Variants in ATP11A observed in about 807,000 individuals in gnomAD.
The protein encoded by ATP11A is ATPase phospholipid transporting 11A, also known as phospholipid-transporting ATPase IH.
Under a neutral mutation model 154.4 loss-of-function variants are expected in ATP11A, and 81 were observed. The observed-to-expected ratio is 0.52, with a 90% CI of 0.44 to 0.63. ATP11A has a LOEUF of 0.63. Among genes scored for constraint, ATP11A ranks in the 30% least tolerant of loss-of-function variants. The pLI is 0.00. For missense variants in ATP11A, 1,316 were observed against 1,474.3 expected (o/e 0.89, Z 1.76); for synonymous variants, 623 against 585.9 (o/e 1.06, Z -0.91).
intron 2 of ATP11A, among the ~76,000 whole-genome samples, chr13:112,803,726 C>CCTT (rs1311600046): frequency 1.6e-5 from 2 of 124,840 alleles, no homozygotes; most frequent in African/African-American, 3.5e-5. Flanking sequence ...CTCCTTCCCT[C>CCTT]CCTGACCTCC....
intron 18 of ATP11A, 40 bp downstream of exon 18, chr13:112,851,258 G>A: frequency 1.9e-6 from 3 of 1,589,052 alleles, no homozygotes; most frequent in Non-Finnish European, 2.6e-6. Flanking sequence ...GAGACAAACT[G>A]GGATGCAGGC....
intron 5 of ATP11A, among the ~76,000 whole-genome samples, chr13:112,815,236 C>T (rs1242270164): frequency 2.6e-5 from 4 of 151,728 alleles, no homozygotes; most frequent in Admixed American, 2.0e-4. Flanking sequence ...CAGTCCAGGC[C>T]ACTGAGATGC....
intron 27 of ATP11A, among the ~76,000 whole-genome samples, chr13:112,874,030 G>A (rs1471878567): frequency 1.3e-5 from 2 of 152,202 alleles, no homozygotes; most frequent in Non-Finnish European, 2.9e-5. Context: ...GAAGAAGAGC[G>A]CCATCATCAC....
At chr13:112,872,831 A>AGG (rs2080567773) in intron 26 of ATP11A, among the ~76,000 whole-genome samples, 2 of 48,642 alleles carry the variant, frequency 4.1e-5, no homozygotes, top group Non-Finnish European at 1.0e-4. Context: ...CTTCCTGAGC[A>AGG]GTGTGAGGTG....
At chr13:112,775,290 C>T (rs571760339) in intron 1 of ATP11A, among the ~76,000 whole-genome samples, 2 of 152,384 alleles carry the variant, frequency 1.3e-5, no homozygotes, top group East Asian at 3.9e-4. Context: ...GCGCCCCTCT[C>T]TGCTGAAGGG....
At chr13:112,799,082 A>G (rs528784432) in intron 2 of ATP11A, among the ~76,000 whole-genome samples, 2 of 152,380 alleles carry the variant, frequency 1.3e-5, no homozygotes, top group South Asian at 4.1e-4. Flanking sequence ...TTGCCAAACA[A>G]CAAAGAGGTC....
rs1364290309 is a variant in ATP11A at position 112,754,003 on chromosome 13, G to A, written c.40-31132G>A. 7.2e-5 allele frequency among the ~76,000 whole-genome samples: 11 copies of A among 152,214 alleles called. No homozygotes were observed. The highest frequency in any genetic ancestry group is 7.2e-4 in the Admixed American group (11 of 15,288). On this transcript the variant is annotated intron_variant, in intron 1 of 29. Transcript: ENST00000375645. This position sits in a 1 kb window ranked among gnomAD's most constrained non-coding sequence, Gnocchi z 5.3. ...GGTTCTGCCACACGCCTGACAGGCC[G>A]ATCACAGCCTGACCTTGACCAGGCA... is the stretch of plus-strand genomic sequence containing the variant.
intron 29 of ATP11A, chr13:112,880,861 G>A (rs1472021189): frequency 1.9e-6 from 2 of 1,066,368 alleles, no homozygotes; most frequent in Middle Eastern, 3.6e-4. Flanking sequence ...GCACACACAC[G>A]TGTGCACACT....
At position 112,881,925 on chromosome 13, in the gene ATP11A, ACT is replaced by A. The variant is rs779668154; in HGVS notation, c.*63_*64del. 9.1e-4 allele frequency: 1,242 copies of A among 1,367,220 alleles called. 1 individual carries two copies. Among genetic ancestry groups the A allele is most frequent in the Non-Finnish European group, 1.2e-3 (1,186 of 1,021,888 alleles). 84.7% of individuals were successfully genotyped at this position (1,367,220 alleles called of 1,614,324 possible). A position where few individuals can be genotyped will look rare whatever the true frequency, so the allele number is the denominator to read the frequency against. On this transcript the variant is annotated 3_prime_UTR_variant, in exon 30 of 30. Coordinates refer to ENST00000375645, the MANE Select transcript of ATP11A (RefSeq NM_015205.3). Reference sequence around the variant, plus strand: ...CCCTCGGCCGCCTGGTACAGCTCCCACTCTCAGCAGGTGACACTCGCGGCCTG... The same window carrying A: ...CCCTCGGCCGCCTGGTACAGCTCCCACTCAGCAGGTGACACTCGCGGCCTG...
At position 112,807,657 on chromosome 13, in the gene ATP11A, G is replaced by T. The variant is rs2078360591; in HGVS notation, c.333+1364G>T. Among the ~76,000 whole-genome samples the T allele has an allele frequency of 6.6e-6, 1 of 152,216 alleles. No individual in the cohort carries two copies. The highest frequency in any genetic ancestry group is 1.5e-5 in the Non-Finnish European group (1 of 68,040). ...CTCATCAACTTCACAAGGAAATGGT[G>T]CTGAAGGAAACGATGTTACTCGGGG... On this transcript the variant is annotated intron_variant, in intron 4 of 29. Transcript: ENST00000375645. This position sits in a 1 kb window ranked among gnomAD's most constrained non-coding sequence, Gnocchi z 4.5.
intron 16 of ATP11A, among the ~76,000 whole-genome samples, chr13:112,837,402 A>G (rs1480355568): frequency 6.6e-6 from 1 of 152,222 alleles, no homozygotes; most frequent in Non-Finnish European, 1.5e-5. Flanking sequence ...ACATTGCTCT[A>G]TGGTGGAGCT....
At chr13:112,845,556 A>T (rs1349456057) in intron 17 of ATP11A, among the ~76,000 whole-genome samples, 81 of 116,814 alleles carry the variant, frequency 6.9e-4, no homozygotes, top group African/African-American at 3.3e-3. Context: ...CACTAGCGGT[A>T]CTAACCAGTC....
intron 1 of ATP11A, among the ~76,000 whole-genome samples, chr13:112,711,107 G>A (rs1887692962): frequency 6.6e-6 from 1 of 152,164 alleles, no homozygotes; most frequent in African/African-American, 2.4e-5. Context: ...GATCCCAGGG[G>A]ACCCGTCCTG....
intron 1 of ATP11A, among the ~76,000 whole-genome samples, chr13:112,720,350 G>A (rs1384548723): frequency 3.3e-5 from 5 of 152,238 alleles, no homozygotes; most frequent in African/African-American, 1.2e-4. Context: ...GGTTAAAGCA[G>A]TAAAGCTTTG....
chr13:112,765,393 G>A (rs1437580995), intron 1 of ATP11A, among the ~76,000 whole-genome samples: 2 of 152,220 alleles, frequency 1.3e-5, no homozygotes, highest in Admixed American at 6.5e-5. Flanking sequence ...GGTCTCGCTG[G>A]TGCAGCCTCC....
chr13:112,780,938 T>C (rs2077482986), intron 1 of ATP11A, among the ~76,000 whole-genome samples: 1 of 152,272 alleles, frequency 6.6e-6, no homozygotes, highest in African/African-American at 2.4e-5. Flanking sequence ...AGAGAGAGGC[T>C]GGGGTCTCCA....
intron 6 of ATP11A, among the ~76,000 whole-genome samples, chr13:112,818,208 G>A (rs961531557): frequency 4.7e-5 from 7 of 148,844 alleles, no homozygotes; most frequent in Admixed American, 1.3e-4. Context: ...GACGGGCAGT[G>A]ACTGTTGGTG....
At chr13:112,712,106 C>T (rs373934617) in intron 1 of ATP11A, among the ~76,000 whole-genome samples, 1 of 152,202 alleles carries the variant, frequency 6.6e-6, no homozygotes, top group Non-Finnish European at 1.5e-5. Flanking sequence ...GCCTCCTTCG[C>T]ATGTTGGCTC....
At chr13:112,705,428 T>G (rs1481472569) in intron 1 of ATP11A, among the ~76,000 whole-genome samples, 1 of 152,172 alleles carries the variant, frequency 6.6e-6, no homozygotes, top group Non-Finnish European at 1.5e-5. Flanking sequence ...AGCTGCTGTA[T>G]GCGCTGAAGA....
Sources: gnomAD v4.1 joint callset for allele counts (sites outside exome capture counted in the v4.1 genomes callset) on GRCh38, gnomAD v4.1.1 for gene constraint, Gnocchi (gnomAD v3.1) non-coding constraint, MANE v1.5 for transcripts, NCBI Gene and HGNC (gene_info 2026-07-23, HGNC 2026-07-21) for gene names.